Variants in GALNT14 observed in about 807,000 individuals in gnomAD.
GALNT14 encodes UDP-GalNAc:polypeptide N-acetylgalactosaminyltransferase 14.
In GALNT14, 60 loss-of-function variants were observed where a neutral mutation model predicts 77.5. The ratio of observed to expected loss-of-function variants is 0.77; its 90% CI spans 0.63 to 0.96. The LOEUF (loss-of-function observed/expected upper bound fraction) is 0.96, where lower values mean the gene tolerates loss of function less well. GALNT14 is among the 40% of genes least tolerant of loss of function. GALNT14 has a pLI of 0.00. For synonymous variants in GALNT14, 280 were observed against 281.7 expected, an observed-to-expected ratio of 0.99 and a Z score of 0.06; for missense variants, 710 against 731.0, an observed-to-expected ratio of 0.97 and a Z score of 0.33.
chr2:30,958,663 C>A (rs146778649), intron 3 of GALNT14, among the ~76,000 whole-genome samples, 199 bp from the exon 4 acceptor site: 4 of 152,280 alleles, frequency 2.6e-5, no homozygotes, highest in African/African-American at 9.6e-5. Flanking sequence ...ACCTCCACCA[C>A]CCGCAAAGCC....
chr2:30,942,228 T>C lies in GALNT14; in HGVS notation c.904A>G (p.Met302Val). ...AAGTTCTCCCCACCCCAGATGTCCA[T>C]GTCCATATCATATTTCCCCAGGTAA... ...FDYLGKYDMD[M>V]DIWGGENFEI... Residue 302 changes from methionine (M) to valine (V), a missense_variant, in exon 9 of 15, where the codon ATG (methionine) becomes GTG (valine). Met to Val is a conservative substitution (Grantham distance 21). Coordinates refer to ENST00000349752, the MANE Select transcript of GALNT14 (RefSeq NM_024572.4). 1 of 1,614,024 alleles carries C rather than the reference T, an allele frequency of 6.2e-7. No homozygotes were observed.
intron 1 of GALNT14, among the ~76,000 whole-genome samples, chr2:31,067,441 TC>T (rs2148555450): frequency 6.6e-6 from 1 of 152,028 alleles, no homozygotes; most frequent in South Asian, 2.1e-4. Context: ...CTTCACGACA[TC>T]CCCGGACTTT....
chr2:30,932,242 C>A, intron 9 of GALNT14, 48 bp from the exon 10 acceptor site: 1 of 1,386,496 alleles, frequency 7.2e-7, no homozygotes, highest in Non-Finnish European at 9.4e-7. Context: ...ACTGCTGCTG[C>A]AGCTTTGAGG....
chr2:30,920,426 A>C (rs1664958426), intron 13 of GALNT14, among the ~76,000 whole-genome samples: 1 of 152,192 alleles, frequency 6.6e-6, no homozygotes, highest in Admixed American at 6.5e-5. Context: ...CCCTCTGGAC[A>C]GGCCAAGAGG....
chr2:31,088,867 A>G (rs1179892417), intron 1 of GALNT14, among the ~76,000 whole-genome samples: 1 of 152,156 alleles, frequency 6.6e-6, no homozygotes, highest in Non-Finnish European at 1.5e-5. Flanking sequence ...AAGATCCTGA[A>G]GATTAGCGGA....
chr2:31,049,387 C>A (rs926868669), intron 1 of GALNT14, among the ~76,000 whole-genome samples: 5 of 152,218 alleles, frequency 3.3e-5, no homozygotes, highest in African/African-American at 1.2e-4. Flanking sequence ...TTCAGGGCTC[C>A]TGAACGCTCC....
chr2:30,994,900 C>T (rs766179008), intron 1 of GALNT14, among the ~76,000 whole-genome samples: 13 of 152,120 alleles, frequency 8.5e-5, no homozygotes, highest in Non-Finnish European at 1.6e-4. Context: ...TGTAACACAC[C>T]GCAAAGTGAG....
intron 1 of GALNT14, among the ~76,000 whole-genome samples, chr2:31,090,481 C>CTTTTT (rs70962302): frequency 2.1e-5 from 2 of 93,240 alleles, no homozygotes; most frequent in Non-Finnish European, 4.0e-5. Context: ...GTCCCTTCAT[C>CTTTTT]TTTTTTTTTT....
In GALNT14 at chr2:30,955,750, G is replaced by A; in HGVS notation, c.533-11C>T. 3.1e-6 allele frequency: 5 copies of A among 1,613,882 alleles called. No homozygotes were observed. Among genetic ancestry groups the A allele is most frequent in the South Asian group, 1.1e-5 (1 of 91,062 alleles). On this transcript the variant is annotated splice_polypyrimidine_tract_variant and intron_variant, in intron 5 of 14. Transcript: ENST00000349752. ...GGGACCGGACCAGACCTGCAGTCAG[G>A]AACAAATGACGAAGTGGGTGCCACT...
chr2:31,130,904 G>T (rs1310120846), intron 1 of GALNT14, among the ~76,000 whole-genome samples: 1 of 151,890 alleles, frequency 6.6e-6, no homozygotes, highest in South Asian at 2.1e-4. Flanking sequence ...TTTATTTTTT[G>T]GTTAATCTAG....
intron 3 of GALNT14, among the ~76,000 whole-genome samples, chr2:30,962,371 G>A (rs1667745820): frequency 6.6e-6 from 1 of 152,214 alleles, no homozygotes; most frequent in South Asian, 2.1e-4. Flanking sequence ...CTTACTCTGA[G>A]AAATGGCTCC....
intron 1 of GALNT14, among the ~76,000 whole-genome samples, chr2:31,015,838 C>T (rs373283190): frequency 3.3e-4 from 51 of 152,334 alleles, no homozygotes; most frequent in Non-Finnish European, 5.1e-4. Flanking sequence ...AAAGACATCA[C>T]AGATTGGAAG....
At chr2:31,057,368 GTGTGTGTATA>G (rs1173187435) in intron 1 of GALNT14, among the ~76,000 whole-genome samples, 2,593 of 84,618 alleles carry the variant, frequency 0.031, 75 homozygotes, top group African/African-American at 0.11. Context: ...GTGTGTGTGT[GTGTGTGTATA>G]TATATATATA....
chr2:30,976,612 C>CGTGTGTGTGT (rs368747490), intron 2 of GALNT14, among the ~76,000 whole-genome samples: 2 of 148,298 alleles, frequency 1.3e-5, no homozygotes, highest in African/African-American at 5.1e-5. Context: ...TGTGCGTGTG[C>CGTGTGTGTGT]GTGTGTGTAT....
intron 1 of GALNT14, among the ~76,000 whole-genome samples, chr2:31,103,255 C>T (rs940244104): frequency 1.3e-5 from 2 of 152,022 alleles, no homozygotes; most frequent in Non-Finnish European, 2.9e-5. Context: ...CTAGTGGTAA[C>T]ATTCGTAATT....
At chr2:31,005,917 A>G (rs1217048901) in intron 1 of GALNT14, among the ~76,000 whole-genome samples, 2 of 152,222 alleles carry the variant, frequency 1.3e-5, no homozygotes, top group African/African-American at 2.4e-5. Flanking sequence ...CTTTTTATGC[A>G]CGTGGAGAGT....
intron 1 of GALNT14, among the ~76,000 whole-genome samples, chr2:31,078,105 A>G (rs780856920): frequency 4.6e-5 from 7 of 152,226 alleles, no homozygotes; most frequent in African/African-American, 7.2e-5. Flanking sequence ...GGTGATCTTG[A>G]GAAGAGACTG....
At chr2:31,039,111 T>TA (rs374111431) in intron 1 of GALNT14, among the ~76,000 whole-genome samples, 7 of 152,120 alleles carry the variant, frequency 4.6e-5, no homozygotes, top group African/African-American at 1.2e-4. Context: ...TTTCTAGAGT[T>TA]AAAAAAAATG....
chr2:30,905,468 A>G (rs1036078464), downstream of GALNT14, among the ~76,000 whole-genome samples: 2 of 152,272 alleles, frequency 1.3e-5, no homozygotes, highest in East Asian at 1.9e-4. Context: ...TCAGCGATGG[A>G]AAATGAAATG....
Sources: allele counts gnomAD v4.1 joint callset (sites outside exome capture counted in the v4.1 genomes callset), GRCh38; gene constraint gnomAD v4.1.1; transcripts MANE v1.5; gene names NCBI Gene and HGNC (gene_info 2026-07-23, HGNC 2026-07-21).